The following AEBP2 variants were observed in gnomAD, a reference collection of about 807,000 sequenced individuals.
AEBP2 encodes zinc finger protein AEBP2.
Under a neutral mutation model 50.8 loss-of-function variants are expected in AEBP2, and 10 were observed. The ratio of observed to expected loss-of-function variants is 0.20; its 90% CI spans 0.12 to 0.33. The LOEUF is 0.33. Ranked by LOEUF, AEBP2 falls within the 10% of genes least tolerant of loss-of-function variation. AEBP2 has a pLI of 1.00. For synonymous variants in AEBP2, 296 were observed against 261.3 expected (o/e 1.13, Z -1.28); for missense variants, 570 against 688.0 (o/e 0.83, Z 1.92).
At chr12:19,495,547 C>CTTTT (rs35060511) in intron 4 of AEBP2, among the ~76,000 whole-genome samples, 32 of 141,046 alleles carry the variant, frequency 2.3e-4, no homozygotes, top group African/African-American at 8.3e-4. Flanking sequence ...TTCATTCTTG[C>CTTTT]TTTTTTTTTT....
At chr12:19,489,329 G>A (rs1005512205) in intron 3 of AEBP2, among the ~76,000 whole-genome samples, 4 of 152,230 alleles carry the variant, frequency 2.6e-5, no homozygotes, top group African/African-American at 9.6e-5. Flanking sequence ...GGCAGAGAGA[G>A]TGCAGGGGAA....
intron 1 of AEBP2, 22 bp downstream of exon 1, chr12:19,440,392 C>A: frequency 6.8e-6 from 10 of 1,465,932 alleles, no homozygotes; most frequent in Non-Finnish European, 9.0e-6. Context: ...GAAGCGTTTC[C>A]CCTTCCCTTC....
At chr12:19,488,083 G>T (rs1266448660) in intron 3 of AEBP2, among the ~76,000 whole-genome samples, 1 of 150,800 alleles carries the variant, frequency 6.6e-6, no homozygotes, top group African/African-American at 2.4e-5. Flanking sequence ...TACTGTTGTT[G>T]CCCTCATTTT....
chr12:19,454,574 A>C (rs1022159973), intron 1 of AEBP2, among the ~76,000 whole-genome samples: 1 of 152,230 alleles, frequency 6.6e-6, no homozygotes, highest in Non-Finnish European at 1.5e-5. Flanking sequence ...GAAAATTCTG[A>C]AATTCGTAGA....
chr12:19,452,635 G>A (rs910115682), intron 1 of AEBP2, among the ~76,000 whole-genome samples: 4 of 152,078 alleles, frequency 2.6e-5, no homozygotes, highest in African/African-American at 7.2e-5. Context: ...GAATGGAGAC[G>A]AGAAATGGTA....
chr12:19,511,922 G>A (rs1324825225), intron 5 of AEBP2, among the ~76,000 whole-genome samples: 1 of 152,038 alleles, frequency 6.6e-6, no homozygotes, highest in Non-Finnish European at 1.5e-5. Context: ...TTTCAGTCTT[G>A]TGGGAAAGAC....
chr12:19,407,344 G>A (rs1478004790), intron 1 of AEBP2, among the ~76,000 whole-genome samples: 1 of 151,788 alleles, frequency 6.6e-6, no homozygotes, highest in African/African-American at 2.4e-5. Flanking sequence ...TGGAGTCTGG[G>A]TCTGTAGCCC....
chr12:19,452,854 T>C (rs574478246), intron 1 of AEBP2, among the ~76,000 whole-genome samples: 130 of 152,316 alleles, frequency 8.5e-4, no homozygotes, highest in Non-Finnish European at 1.6e-3. Context: ...GTTAGCTGAA[T>C]GATAGTTTAC....
rs61914969 is a variant in AEBP2 at position 19,445,274 on chromosome 12, C to T, written c.671+4904C>T. Among the ~76,000 whole-genome samples the T allele has an allele frequency of 6.6e-3, 1,000 of 152,130 alleles. 9 individuals carry two copies. Among genetic ancestry groups the T allele is most frequent in the Non-Finnish European group, 0.012 (836 of 68,014 alleles). Reference sequence around the variant, plus strand: ...AGTGCAGTGGTGCGATCTTGGCTCACGGCAGCCTCTGCCTCCCGGGTTCAA... The same window carrying T: ...AGTGCAGTGGTGCGATCTTGGCTCATGGCAGCCTCTGCCTCCCGGGTTCAA... On this transcript the variant is annotated intron_variant, in intron 1 of 7. Coordinates refer to ENST00000266508, the MANE Select transcript of AEBP2 (RefSeq NM_153207.5).
At chr12:19,453,578 C>T (rs143235348) in intron 1 of AEBP2, among the ~76,000 whole-genome samples, 3,040 of 152,102 alleles carry the variant, frequency 0.02, 43 homozygotes, top group Non-Finnish European at 0.03. Context: ...CACGCGACAC[C>T]ATGCCCAGCT....
intron 1 of AEBP2, among the ~76,000 whole-genome samples, chr12:19,424,288 C>T (rs1182881233): frequency 6.6e-6 from 1 of 152,062 alleles, no homozygotes; most frequent in Admixed American, 6.6e-5. Context: ...TCATGAACAG[C>T]AGAGAAGGAG....
chr12:19,411,095 G>C (rs142804329), intron 1 of AEBP2, among the ~76,000 whole-genome samples: 360 of 152,224 alleles, frequency 2.4e-3, no homozygotes, highest in African/African-American at 8.3e-3. Context: ...GTTAACAGAT[G>C]TGGAACAACA....
intron 3 of AEBP2, 54 bp from the exon 4 acceptor site, chr12:19,493,746 T>G (rs1228073940): frequency 6.5e-7 from 1 of 1,527,114 alleles, no homozygotes; most frequent in East Asian, 2.3e-5. Context: ...ATTGATATTC[T>G]TCTCGTGCCC....
chr12:19,471,507 GT>G (rs35003798), intron 2 of AEBP2, among the ~76,000 whole-genome samples: 10 of 147,938 alleles, frequency 6.8e-5, no homozygotes, highest in East Asian at 2.0e-4. Context: ...TAGCATTTAA[GT>G]TTTTTTTTTT....
At chr12:19,493,658 C>CTAG in intron 3 of AEBP2, 142 bp from the exon 4 acceptor site, 1 of 755,766 alleles carries the variant, frequency 1.3e-6, no homozygotes. Flanking sequence ...GAAAAGACTA[C>CTAG]TAGTCCCTTA....
intron 1 of AEBP2, among the ~76,000 whole-genome samples, chr12:19,419,422 T>C (rs1459123224): frequency 6.6e-6 from 1 of 151,878 alleles, no homozygotes; most frequent in Non-Finnish European, 1.5e-5. Context: ...ACCCCGTCTC[T>C]ACTAAAAATA....
chr12:19,436,140 G>C (rs1338584996), upstream of AEBP2, among the ~76,000 whole-genome samples: 1 of 152,180 alleles, frequency 6.6e-6, no homozygotes, highest in East Asian at 1.9e-4. Context: ...TGCGATGTAA[G>C]TGACCTCTGG....
chr12:19,504,296 G>C (rs113702902), intron 5 of AEBP2, among the ~76,000 whole-genome samples: 1 of 151,180 alleles, frequency 6.6e-6, no homozygotes, highest in Admixed American at 6.6e-5. Flanking sequence ...GTGCAGTGGC[G>C]CGATCTCGGC....
intron 3 of AEBP2, among the ~76,000 whole-genome samples, chr12:19,485,219 A>G (rs1948788574): frequency 6.6e-6 from 1 of 152,150 alleles, no homozygotes; most frequent in African/African-American, 2.4e-5. Flanking sequence ...TTTTTTCCAA[A>G]TCCTCTTCTA....
Sources: allele counts gnomAD v4.1 joint callset (sites outside exome capture counted in the v4.1 genomes callset), GRCh38; gene constraint gnomAD v4.1.1; transcripts MANE v1.5; gene names NCBI Gene and HGNC (gene_info 2026-07-23, HGNC 2026-07-21).